ICAM1: variants seen among roughly 807,000 people sequenced by gnomAD.
ICAM1 encodes ICAM-1.
ICAM1 carries 28 observed loss-of-function variants against 42.3 expected under a neutral mutation model. The ratio of observed to expected loss-of-function variants is 0.66; its 90% CI spans 0.49 to 0.91. The LOEUF (loss-of-function observed/expected upper bound fraction) is 0.91, where lower values mean the gene tolerates loss of function less well. Among genes scored for constraint, ICAM1 ranks in the 40% least tolerant of loss-of-function variants. The pLI, the probability that ICAM1 is intolerant of heterozygous loss-of-function variation, is 0.00. For synonymous variants in ICAM1, 304 were observed against 305.9 expected, an observed-to-expected ratio of 0.99 and a Z score of 0.07; for missense variants, 637 against 688.6, an observed-to-expected ratio of 0.93 and a Z score of 0.84.
At position 10,272,727 on chromosome 19, in the gene ICAM1, G is replaced by A. The variant is rs117960796; in HGVS notation, c.67+1501G>A. Among the ~76,000 whole-genome samples, 1,331 of 151,816 alleles carry A rather than the reference G, an allele frequency of 8.8e-3. 6 individuals carry two copies. The highest frequency in any genetic ancestry group is 0.014 in the Middle Eastern group (4 of 294). On this transcript the variant is annotated intron_variant, in intron 1 of 6. Coordinates refer to ENST00000264832, the MANE Select transcript of ICAM1 (RefSeq NM_000201.3). The stretch of plus-strand genomic sequence containing the variant: ...ACTACAGGCATGTGCCATCACACCC[G>A]GCTAATCACTGTGTTAGCCAGGATG...
intron 2 of ICAM1, 63 bp downstream of exon 2, chr19:10,275,091 C>G (rs1160503231): frequency 2.6e-5 from 40 of 1,531,674 alleles, no homozygotes; most frequent in Non-Finnish European, 3.6e-5. Context: ...TGCAGGGGCA[C>G]CTGCAGAGGC....
chr19:10,279,269 T>G (rs281431), intron 2 of ICAM1, among the ~76,000 whole-genome samples: 1 of 151,342 alleles, frequency 6.6e-6, no homozygotes, highest in East Asian at 1.9e-4. Flanking sequence ...GTAGGCCAGG[T>G]GCAGTGGCTC....
chr19:10,276,378 T>C (rs1362529298), intron 2 of ICAM1, among the ~76,000 whole-genome samples: 1 of 151,004 alleles, frequency 6.6e-6, no homozygotes. Context: ...ACCCCGTCTC[T>C]ACTAAAACTA....
At chr19:10,272,957 C>T (rs73510871) in intron 1 of ICAM1, among the ~76,000 whole-genome samples, 2,777 of 152,148 alleles carry the variant, frequency 0.018, 89 homozygotes, top group African/African-American at 0.064. Flanking sequence ...GAAATTGAGG[C>T]CCAAAGAGGG....
rs556127462 is a variant in ICAM1, at chr19:10,285,239, C to T, written c.1551C>T (p.Ala517=). 6.2e-7 allele frequency: 1 copy of T among 1,614,056 alleles called. No homozygotes were observed. Among genetic ancestry groups the T allele is most frequent in the African/African-American group, 1.3e-5 (1 of 74,990 alleles). ...RKIKKYRLQQ[A]QKGTPMKPNT... ...TCAAGAAATACAGACTACAACAGGC[C>T]CAAAAAGGGACCCCCATGAAACCGA... Residue 517 remains alanine, a synonymous_variant, in exon 7 of 7, where the codon GCC becomes GCT. Transcript: ENST00000264832.
Position 10,285,304 on chromosome 19 carries a change from G to C in ICAM1, c.*17G>C, listed in dbSNP as rs1344029659. Reference sequence around the variant, plus strand: ...CCTCCCTGAACCTATCCCGGGACAGGGCCTCTTCCTCGGCCTTCCCATATT... The same window carrying C: ...CCTCCCTGAACCTATCCCGGGACAGCGCCTCTTCCTCGGCCTTCCCATATT... On this transcript the variant is annotated 3_prime_UTR_variant, in exon 7 of 7. Coordinates refer to ENST00000264832, the MANE Select transcript of ICAM1 (RefSeq NM_000201.3). 1.2e-6 allele frequency: 2 copies of C among 1,611,742 alleles called. No individual in the cohort carries two copies. Among genetic ancestry groups the C allele is most frequent in the Admixed American group, 3.3e-5 (2 of 59,736 alleles).
At chr19:10,275,909 T>C (rs972771852) in intron 2 of ICAM1, among the ~76,000 whole-genome samples, 132 of 151,296 alleles carry the variant, frequency 8.7e-4, no homozygotes, top group Middle Eastern at 3.2e-3. Context: ...GGGGTTTCAC[T>C]GTGTTAGCCA....
In ICAM1 at chr19:10,285,417, T is replaced by TGCCC; in HGVS notation, c.*130_*131insGCCC. 3.7e-6 allele frequency: 3 copies of TGCCC among 804,916 alleles called. No individual in the cohort carries two copies. The highest frequency in any genetic ancestry group is 5.9e-6 in the Non-Finnish European group (3 of 507,806). The allele number at this position is 804,916 out of a possible 1,614,324, so 49.9% of individuals were successfully genotyped here. On this transcript the variant is annotated 3_prime_UTR_variant, in exon 7 of 7. Coordinates refer to ENST00000264832, the MANE Select transcript of ICAM1 (RefSeq NM_000201.3). ...CCCTGGGACGCCGGAGGACAGGGCA[T>TGCCC]TGTCCTCAGTCAGATACAACAGCAT...
chr19:10,279,738 T>C (rs184461387), intron 2 of ICAM1, among the ~76,000 whole-genome samples: 65 of 152,100 alleles, frequency 4.3e-4, no homozygotes, highest in Non-Finnish European at 2.9e-5. Flanking sequence ...CCTGCCTCAG[T>C]TTCCCAAAGT....
In ICAM1 at chr19:10,284,947, C is replaced by T; in HGVS notation, c.1345C>T (p.Arg449Ter). 17 of 1,610,080 alleles carry T rather than the reference C, an allele frequency of 1.1e-5. No individual in the cohort carries two copies. The highest frequency in any genetic ancestry group is 1.4e-5 in the Non-Finnish European group (17 of 1,177,406). The change falls in exon 6 of 7, where the codon CGA (arginine) becomes TGA (stop). Residue 449 changes from arginine (R) to a stop codon, truncating the protein, a stop_gained. Coordinates refer to ENST00000264832, the MANE Select transcript of ICAM1 (RefSeq NM_000201.3). LOFTEE classifies it high-confidence loss of function. This position sits in a 1 kb window ranked among gnomAD's most constrained non-coding sequence, Gnocchi z 5.4. ...LPIGESVTVT[R>*]DLEGTYLCRA... ...CATCGGGGAATCAGTGACTGTCACT[C>T]GAGATCTTGAGGGCACCTACCTCTG...
chr19:10,274,827 G>C lies in ICAM1; in HGVS notation c.130G>C (p.Val44Leu), dbSNP rs771818150. The change falls in exon 2 of 7, where the codon GTG (valine) becomes CTG (leucine). Residue 44 changes from valine (V) to leucine (L), a missense_variant. Physicochemically the swap from Val to Leu is conservative, Grantham distance 32 (BLOSUM62 1). Coordinates refer to ENST00000264832, the MANE Select transcript of ICAM1 (RefSeq NM_000201.3). ...AGTCATCCTGCCCCGGGGAGGCTCC[G>C]TGCTGGTGACATGCAGCACCTCCTG... Reference protein sequence around the residue: ...SKVILPRGGSVLVTCSTSCDQ... With the variant: ...SKVILPRGGSLLVTCSTSCDQ... The C allele has an allele frequency of 6.2e-7, 1 of 1,614,190 alleles. No individual in the cohort carries two copies. The highest frequency in any genetic ancestry group is 1.1e-5 in the South Asian group (1 of 91,086).
intron 2 of ICAM1, among the ~76,000 whole-genome samples, chr19:10,277,574 C>T (rs1445008105): frequency 6.6e-6 from 1 of 151,842 alleles, no homozygotes; most frequent in African/African-American, 2.4e-5. Flanking sequence ...TGCAACCTCT[C>T]CCTCCCGGGT....
chr19:10,286,004 T>C lies in ICAM1; in HGVS notation c.*717T>C, dbSNP rs2040102977. The stretch of plus-strand genomic sequence containing the variant: ...CCAACCTGCCTTTCCCCAGAAGGAG[T>C]GATTTTTCTATCGGCACAAAAGCAC... On this transcript the variant is annotated 3_prime_UTR_variant, in exon 7 of 7. Transcript: ENST00000264832. The C allele has an allele frequency of 6.6e-6, 1 of 151,966 alleles. No homozygotes were observed. The highest frequency in any genetic ancestry group is 6.6e-5 in the Admixed American group (1 of 15,210). 9.4% of individuals were successfully genotyped at this position (151,966 alleles called of 1,614,324 possible).
rs374364326 is a variant in ICAM1, at chr19:10,284,301, G to A, written c.906G>A (p.Leu302=). 21 of 1,613,550 alleles carry A rather than the reference G, an allele frequency of 1.3e-5. No individual in the cohort carries two copies. Among genetic ancestry groups the A allele is most frequent in the Non-Finnish European group, 1.6e-5 (19 of 1,180,026 alleles). Residue 302 remains leucine, a synonymous_variant, in exon 4 of 7, where the codon CTG becomes CTA. Transcript: ENST00000264832. The surrounding 1 kb of genome is among the most constrained non-coding windows in gnomAD (Gnocchi z 5.4). ...VILGNQSQET[L]QTVTIYSFPA... The stretch of plus-strand genomic sequence containing the variant: ...TGGGGAACCAGAGCCAGGAGACACT[G>A]CAGACAGTGACCATCTACAGTAAGA...
At chr19:10,281,288 ATTTTTTT>A (rs1252607018) in intron 2 of ICAM1, among the ~76,000 whole-genome samples, 2 of 135,936 alleles carry the variant, frequency 1.5e-5, no homozygotes, top group South Asian at 2.3e-4. Flanking sequence ...CTTGTTTTTA[ATTTTTTT>A]TTTTTTTTTT....
intron 2 of ICAM1, among the ~76,000 whole-genome samples, chr19:10,281,477 A>G (rs1025566804): frequency 1.1e-4 from 16 of 152,032 alleles, no homozygotes; most frequent in African/African-American, 3.1e-4. Flanking sequence ...TTTTAAGCAC[A>G]TAATTCAATG....
At position 10,283,662 on chromosome 19, in the gene ICAM1, C is replaced by G. The variant is rs1199968758; in HGVS notation, c.513C>G (p.Thr171=). The G allele has an allele frequency of 1.9e-6, 3 of 1,613,974 alleles. No individual in the cohort carries two copies. In the Admixed American group the frequency reaches 5.0e-5, roughly 27 times the overall value. Residue 171 remains threonine (T), a synonymous_variant, in exon 3 of 7, where the codon ACC becomes ACG. Coordinates refer to ENST00000264832, the MANE Select transcript of ICAM1 (RefSeq NM_000201.3). ...PAVGEPAEVT[T]TVLVRRDHHG... The stretch of plus-strand genomic sequence containing the variant: ...TGGGGGAGCCCGCTGAGGTCACGAC[C>G]ACGGTGCTGGTGAGGAGAGATCACC...
intron 1 of ICAM1, among the ~76,000 whole-genome samples, chr19:10,272,921 C>T (rs963389979): frequency 1.3e-5 from 2 of 152,106 alleles, no homozygotes; most frequent in African/African-American, 2.4e-5. Context: ...GATGGGGTGG[C>T]TATACTCACC....
chr19:10,280,985 T>C lies in ICAM1; in HGVS notation c.332-2496T>C, dbSNP rs1302786841. ...GCCTCCCGGGTTCACTCCATCCTCC[T>C]GCCTTAGCCTCCTGAGTAGCTGGGA... is the stretch of plus-strand genomic sequence containing the variant. On this transcript the variant is annotated intron_variant, in intron 2 of 6. Transcript: ENST00000264832. Among the ~76,000 whole-genome samples the C allele has an allele frequency of 2.0e-5, 3 of 149,126 alleles. No individual in the cohort carries two copies. In the East Asian group the frequency reaches 6.1e-4, roughly 30 times the overall value.
Sources: allele counts gnomAD v4.1 joint callset (sites outside exome capture counted in the v4.1 genomes callset), GRCh38; gene constraint gnomAD v4.1.1; non-coding constraint Gnocchi (gnomAD v3.1); transcripts MANE v1.5; gene names NCBI Gene and HGNC (gene_info 2026-07-23, HGNC 2026-07-21).